The following GNAQ variants were observed in gnomAD, a reference collection of about 807,000 sequenced individuals.
The protein encoded by GNAQ is G protein subunit alpha q.
Under a neutral mutation model 43.9 loss-of-function variants are expected in GNAQ, and 8 were observed. That is an observed-to-expected ratio of 0.18 (90% confidence interval 0.11 to 0.33). The LOEUF is 0.33. Ranked by LOEUF, GNAQ falls within the 10% of genes least tolerant of loss-of-function variation. The pLI, the probability that GNAQ is intolerant of heterozygous loss-of-function variation, is 1.00. For missense variants in GNAQ, 158 were observed against 450.8 expected (o/e 0.35, Z 5.88); for synonymous variants, 155 against 170.7 (o/e 0.91, Z 0.71).
chr9:77,916,605 C>G (rs1418869287), intron 2 of GNAQ, among the ~76,000 whole-genome samples: 4 of 152,118 alleles, frequency 2.6e-5, no homozygotes, highest in Non-Finnish European at 5.9e-5. Flanking sequence ...GGCACTGTAG[C>G]AATACATCCT....
At chr9:77,952,851 G>A (rs1587428000) in intron 1 of GNAQ, among the ~76,000 whole-genome samples, 1 of 152,096 alleles carries the variant, frequency 6.6e-6, no homozygotes, top group African/African-American at 2.4e-5. Flanking sequence ...CTCATACCAA[G>A]ACAAGAATGA....
intron 2 of GNAQ, among the ~76,000 whole-genome samples, chr9:77,837,624 A>G (rs1490174224): frequency 1.4e-5 from 2 of 146,540 alleles, no homozygotes; most frequent in East Asian, 4.0e-4. Context: ...ACAACAGTGT[A>G]CCATTTTCCA....
Position 77,720,414 on chromosome 9 carries a change from AAAATT to A in GNAQ, c.*904_*908del. ...GAAAAGCTTGAACAACAACAACAAAAAAATTAAGAACAACCTATAAAAAGGTTCTG... is the reference window on the plus strand; with the variant it reads ...GAAAAGCTTGAACAACAACAACAAAAAAGAACAACCTATAAAAAGGTTCTG... On this transcript the variant is annotated 3_prime_UTR_variant, in exon 7 of 7. Coordinates refer to ENST00000286548, the MANE Select transcript of GNAQ (RefSeq NM_002072.5). The A allele has an allele frequency of 4.3e-6, 1 of 233,622 alleles. No homozygotes were observed. Among genetic ancestry groups the A allele is most frequent in the South Asian group, 1.8e-4 (1 of 5,528 alleles). 14.5% of individuals were successfully genotyped at this position (233,622 alleles called of 1,614,324 possible). A position where few individuals can be genotyped will look rare whatever the true frequency, so the allele number is the denominator to read the frequency against.
rs146987566 is a variant in GNAQ, at chr9:77,773,983, ATTC to A, written c.735+20477_735+20479del. On this transcript the variant is annotated intron_variant, in intron 5 of 6. Transcript: ENST00000286548. ...ATGTAGGTTCCCTGCTAAAAGACAAATTCTTCTTCTTCTTTTTTTTTTTTAAAA... is the reference window on the plus strand; with the variant it reads ...ATGTAGGTTCCCTGCTAAAAGACAAATTCTTCTTCTTTTTTTTTTTTAAAA... Among the ~76,000 whole-genome samples the A allele has an allele frequency of 4.7e-3, 720 of 151,966 alleles. 6 individuals carry two copies. Among genetic ancestry groups the A allele is most frequent in the African/African-American group, 0.016 (651 of 41,440 alleles).
intron 1 of GNAQ, among the ~76,000 whole-genome samples, chr9:77,984,903 A>T (rs910336349): frequency 3.3e-5 from 5 of 152,176 alleles, no homozygotes; most frequent in East Asian, 3.9e-4. Flanking sequence ...TGAGAGGAGA[A>T]AGCAGAGAAT....
chr9:77,899,391 C>T (rs2118148672), intron 2 of GNAQ, among the ~76,000 whole-genome samples: 1 of 152,144 alleles, frequency 6.6e-6, no homozygotes, highest in Middle Eastern at 3.4e-3. Context: ...GCTACTGTGT[C>T]CGGTCTCATT....
intron 1 of GNAQ, among the ~76,000 whole-genome samples, chr9:78,012,397 T>C (rs866721923): frequency 2.0e-4 from 30 of 151,946 alleles, no homozygotes; most frequent in African/African-American, 6.8e-4. Context: ...GCCATACAGA[T>C]AGAGTTTCAC....
chr9:77,933,716 G>C (rs1829188186), intron 1 of GNAQ, among the ~76,000 whole-genome samples: 1 of 151,874 alleles, frequency 6.6e-6, no homozygotes, highest in Non-Finnish European at 1.5e-5. Context: ...ACATTATTTG[G>C]GAAGCAGAAA....
intron 1 of GNAQ, among the ~76,000 whole-genome samples, chr9:78,018,722 T>C (rs1294898089): frequency 6.6e-6 from 1 of 152,132 alleles, no homozygotes; most frequent in African/African-American, 2.4e-5. Context: ...CAAATGACAG[T>C]ATCTCAAGTG....
intron 3 of GNAQ, among the ~76,000 whole-genome samples, chr9:77,808,830 T>TA (rs1826869167): frequency 6.6e-6 from 1 of 151,954 alleles, no homozygotes; most frequent in Admixed American, 6.6e-5. Flanking sequence ...ACAACGGTCT[T>TA]ATCTGCCTTC....
chr9:77,835,312 T>C (rs1827366208), intron 2 of GNAQ, among the ~76,000 whole-genome samples: 2 of 151,628 alleles, frequency 1.3e-5, no homozygotes, highest in African/African-American at 4.8e-5. Flanking sequence ...GGTGATGGTA[T>C]TTCTTTTTCA....
intron 2 of GNAQ, among the ~76,000 whole-genome samples, chr9:77,860,742 C>A (rs1403934451): frequency 3.9e-5 from 6 of 152,140 alleles, no homozygotes; most frequent in African/African-American, 1.2e-4. Context: ...ACTGAACAGT[C>A]CCCACAGGAC....
intron 1 of GNAQ, among the ~76,000 whole-genome samples, chr9:77,989,546 C>T (rs1397472246): frequency 1.3e-5 from 2 of 152,234 alleles, no homozygotes; most frequent in African/African-American, 4.8e-5. Context: ...AAGAAGAAAA[C>T]ACTGCAAGAG....
chr9:77,971,819 T>C (rs1314660758), intron 1 of GNAQ, among the ~76,000 whole-genome samples: 1 of 152,224 alleles, frequency 6.6e-6, no homozygotes, highest in Non-Finnish European at 1.5e-5. Context: ...TCCTCTCTTA[T>C]TCCTGAGCAG....
In GNAQ at chr9:77,734,023, C is replaced by T. The variant is rs372255237; in HGVS notation, c.736-5356G>A. On this transcript the variant is annotated intron_variant, in intron 5 of 6. Transcript: ENST00000286548. ...CAGGCTACTGTCTGGCACAAATCTC[C>T]GCATAACAATTACCAAAGGGCCTAA... is the stretch of plus-strand genomic sequence containing the variant. 4.6e-5 allele frequency among the ~76,000 whole-genome samples: 7 copies of T among 152,296 alleles called. No individual in the cohort carries two copies. The South Asian group carries it at 6.2e-4, about 14-fold the overall frequency.
rs111564101 is a variant in GNAQ, at chr9:77,831,472, G to A, written c.322-15702C>T. On this transcript the variant is annotated intron_variant, in intron 2 of 6. Transcript: ENST00000286548. ...ATTGATAATGTGTTCTAGTATCTACGATGGCCACCCACCAGAAGTGGAAAA... is the reference window on the plus strand; with the variant it reads ...ATTGATAATGTGTTCTAGTATCTACAATGGCCACCCACCAGAAGTGGAAAA... Among the ~76,000 whole-genome samples, 891 of 152,176 alleles carry A rather than the reference G, an allele frequency of 5.9e-3. 1 individual carries two copies. The highest frequency in any genetic ancestry group is 0.02 in the African/African-American group (836 of 41,508).
chr9:77,752,098 T>C (rs1006621802), intron 5 of GNAQ, among the ~76,000 whole-genome samples: 2 of 152,214 alleles, frequency 1.3e-5, no homozygotes, highest in Admixed American at 1.3e-4. Flanking sequence ...AAAAATTCAT[T>C]TTTTAAAACC....
intron 2 of GNAQ, among the ~76,000 whole-genome samples, chr9:77,851,811 C>T (rs778669188): frequency 1.3e-5 from 2 of 152,172 alleles, no homozygotes; most frequent in African/African-American, 2.4e-5. Flanking sequence ...TCTTTACAGT[C>T]CATCGTTTCC....
At chr9:78,023,062 C>T (rs912887530) in intron 1 of GNAQ, among the ~76,000 whole-genome samples, 2 of 152,184 alleles carry the variant, frequency 1.3e-5, no homozygotes, top group Non-Finnish European at 2.9e-5. Context: ...GCACTGCATC[C>T]GATTCTGAAA....
Sources: allele counts gnomAD v4.1 joint callset (sites outside exome capture counted in the v4.1 genomes callset), GRCh38; gene constraint gnomAD v4.1.1; transcripts MANE v1.5; gene names NCBI Gene and HGNC (gene_info 2026-07-23, HGNC 2026-07-21).